EML1: variants seen among roughly 807,000 people sequenced by gnomAD.
EML1 encodes EMAP like 1.
Under a neutral mutation model 110.4 loss-of-function variants are expected in EML1, and 27 were observed. That is an observed-to-expected ratio of 0.24 (90% CI 0.18 to 0.34). The LOEUF is 0.34. Among genes scored for constraint, EML1 ranks in the 10% least tolerant of loss-of-function variants. The probability of loss-of-function intolerance (pLI) is 1.00; values close to 1 mark genes in which losing one functional copy is unlikely to be tolerated. For missense variants in EML1, 741 were observed against 1,030.9 expected, an observed-to-expected ratio of 0.72 and a Z score of 3.85; for synonymous variants, 344 against 385.8, an observed-to-expected ratio of 0.89 and a Z score of 1.27.
chr14:99,862,147 A>G lies in EML1; in HGVS notation c.251-3367A>G, dbSNP rs189802712. Among the ~76,000 whole-genome samples the G allele has an allele frequency of 2.5e-3, 376 of 152,282 alleles. 2 individuals carry two copies. Among genetic ancestry groups the G allele is most frequent in the African/African-American group, 8.0e-3 (332 of 41,536 alleles). On this transcript the variant is annotated intron_variant, in intron 2 of 21. Transcript: ENST00000262233. ...ATACCTGTTAGAGGGTTCATTGACT[A>G]TCCTTCACCTTGGCTTCGCCTGATG...
intron 9 of EML1, among the ~76,000 whole-genome samples, chr14:99,902,007 C>T (rs1432246394): frequency 2.6e-5 from 4 of 152,268 alleles, no homozygotes; most frequent in South Asian, 2.1e-4. Context: ...GTAACTTCTT[C>T]GGGCTGAATA....
intron 3 of EML1, among the ~76,000 whole-genome samples, chr14:99,869,189 T>C (rs1248271441): frequency 6.6e-6 from 1 of 152,228 alleles, no homozygotes; most frequent in Non-Finnish European, 1.5e-5. Context: ...AAATTGGTGG[T>C]GGTGGCAACC....
intron 1 of EML1, among the ~76,000 whole-genome samples, chr14:99,741,795 TG>T (rs1199531142): frequency 6.6e-6 from 1 of 151,944 alleles, no homozygotes; most frequent in Non-Finnish European, 1.5e-5. Flanking sequence ...CTCTCTGAGG[TG>T]GGGGGGCCTG....
chr14:99,755,646 G>A (rs928525547), intron 1 of EML1, among the ~76,000 whole-genome samples: 2 of 152,248 alleles, frequency 1.3e-5, no homozygotes, highest in East Asian at 3.9e-4. Flanking sequence ...TTCCCATTCC[G>A]TGGTCACTTG....
chr14:99,882,097 A>G (rs1278169521), intron 4 of EML1, among the ~76,000 whole-genome samples: 1 of 152,228 alleles, frequency 6.6e-6, no homozygotes, highest in Non-Finnish European at 1.5e-5. Flanking sequence ...TCTATTAAAA[A>G]CAAAAGCAAT....
intron 9 of EML1, among the ~76,000 whole-genome samples, chr14:99,902,252 GCT>G (rs766147979): frequency 2.6e-5 from 4 of 152,108 alleles, no homozygotes; most frequent in Non-Finnish European, 4.4e-5. Context: ...AAGTAAGAAG[GCT>G]TTTTATTAAC....
intron 1 of EML1, among the ~76,000 whole-genome samples, chr14:99,783,358 A>G (rs549131619): frequency 3.0e-4 from 45 of 151,984 alleles, no homozygotes; most frequent in African/African-American, 9.4e-4. Flanking sequence ...TCCATGGTGT[A>G]TATGTGCCAC....
At chr14:99,912,085 T>TTG (rs1164250552) in intron 13 of EML1, among the ~76,000 whole-genome samples, 3 of 151,682 alleles carry the variant, frequency 2.0e-5, no homozygotes, top group African/African-American at 7.3e-5. Flanking sequence ...TGTAGAGATG[T>TTG]TGCCCAGGCT....
At chr14:99,919,425 G>GACACACACACAGAC (rs1555404814) in intron 16 of EML1, among the ~76,000 whole-genome samples, 2,744 of 97,466 alleles carry the variant, frequency 0.028, 40 homozygotes, top group Non-Finnish European at 0.036. Flanking sequence ...CATGCACACA[G>GACACACACACAGAC]ACACACACAC....
intron 1 of EML1, among the ~76,000 whole-genome samples, chr14:99,831,878 TAAC>T (rs2058462161): frequency 6.6e-6 from 1 of 151,828 alleles, no homozygotes; most frequent in African/African-American, 2.4e-5. Context: ...TTCCTCCCCT[TAAC>T]AAAAAAGCTT....
chr14:99,888,536 C>T (rs2059522984), intron 4 of EML1, among the ~76,000 whole-genome samples: 1 of 152,184 alleles, frequency 6.6e-6, no homozygotes, highest in Non-Finnish European at 1.5e-5. Context: ...TTCCTTCTGT[C>T]CTCACCTCCT....
chr14:99,751,391 G>T (rs1478825993), intron 1 of EML1, among the ~76,000 whole-genome samples: 2 of 152,204 alleles, frequency 1.3e-5, no homozygotes, highest in African/African-American at 4.8e-5. Context: ...GGCAGCAGCA[G>T]CTGCTGAATG....
chr14:99,756,436 C>A (rs1308178592), intron 1 of EML1, among the ~76,000 whole-genome samples: 1 of 152,206 alleles, frequency 6.6e-6, no homozygotes, highest in African/African-American at 2.4e-5. Context: ...AGGCAAAGGC[C>A]GCGGGAGGCC....
chr14:99,908,342 T>C (rs1170711775), intron 10 of EML1, among the ~76,000 whole-genome samples: 1 of 152,246 alleles, frequency 6.6e-6, no homozygotes, highest in Non-Finnish European at 1.5e-5. Context: ...CTTTTTCTAT[T>C]TCTATTTTCT....
chr14:99,820,028 T>TG (rs1193264180), intron 1 of EML1, among the ~76,000 whole-genome samples: 1 of 152,162 alleles, frequency 6.6e-6, no homozygotes, highest in African/African-American at 2.4e-5. Context: ...ACTCAGGGCC[T>TG]GGGGGGTTCC....
At chr14:99,741,315 T>C (rs2057039464) in intron 1 of EML1, among the ~76,000 whole-genome samples, 1 of 152,140 alleles carries the variant, frequency 6.6e-6, no homozygotes, top group Admixed American at 6.5e-5. Context: ...TGTTCGTGTG[T>C]TGAGACATGG....
At position 99,933,342 on chromosome 14, in the gene EML1, AT is replaced by A. The variant is rs1225459731; in HGVS notation, c.1910-2682del. On this transcript the variant is annotated intron_variant, in intron 17 of 21. Coordinates refer to ENST00000262233, the MANE Select transcript of EML1 (RefSeq NM_004434.3). The stretch of plus-strand genomic sequence containing the variant: ...AGGTGTGTGCCACTGCCTCCAGCTA[AT>A]TTTTGTATTTTTAGTAGAGACAGGG... Among the ~76,000 whole-genome samples, 4 of 152,050 alleles carry A rather than the reference AT, an allele frequency of 2.6e-5. No individual in the cohort carries two copies. The South Asian group carries it at 6.2e-4, about 24-fold the overall frequency.
chr14:99,920,451 C>T (rs897946107), intron 16 of EML1, among the ~76,000 whole-genome samples: 5 of 152,216 alleles, frequency 3.3e-5, no homozygotes, highest in East Asian at 3.8e-4. Context: ...TTCACTGCTT[C>T]CTCTCACCAT....
Position 99,759,632 on chromosome 14 carries a change from G to T in EML1, c.28+21772G>T, listed in dbSNP as rs182915911. On this transcript the variant is annotated intron_variant, in intron 1 of 10. Transcript: ENST00000554479. ...TGCACCGTCCTACAGTCCAGGCCTT[G>T]GCCAGAGAGGAAAGGGCTTGTCCTG... Among the ~76,000 whole-genome samples, 13 of 152,346 alleles carry T rather than the reference G, an allele frequency of 8.5e-5. No individual in the cohort carries two copies. The East Asian group carries it at 2.5e-3, about 29-fold the overall frequency.
Sources: allele counts gnomAD v4.1 joint callset (sites outside exome capture counted in the v4.1 genomes callset), GRCh38; gene constraint gnomAD v4.1.1; transcripts MANE v1.5; gene names NCBI Gene and HGNC (gene_info 2026-07-23, HGNC 2026-07-21).